The following GRIK2 variants were observed in gnomAD, a reference collection of about 807,000 sequenced individuals.
The protein encoded by GRIK2 is glutamate receptor ionotropic, kainate 2.
Under a neutral mutation model 100.3 loss-of-function variants are expected in GRIK2, and 32 were observed. That is an observed-to-expected ratio of 0.32 (90% CI 0.24 to 0.43). The LOEUF is 0.43. Ranked by LOEUF, GRIK2 falls within the 20% of genes least tolerant of loss-of-function variation. The pLI, the probability that GRIK2 is intolerant of heterozygous loss-of-function variation, is 1.00. For missense variants in GRIK2, 843 were observed against 1,114.9 expected, an observed-to-expected ratio of 0.76 and a Z score of 3.47; for synonymous variants, 417 against 389.4, an observed-to-expected ratio of 1.07 and a Z score of -0.83.
chr6:101,790,558 CA>C, intron 7 of GRIK2, among the ~76,000 whole-genome samples: 1 of 144,500 alleles, frequency 6.9e-6, no homozygotes, highest in South Asian at 2.3e-4. Flanking sequence ...GGATGAAGCC[CA>C]CTTGATCATG....
At chr6:101,507,799 T>A (rs919821790) in intron 2 of GRIK2, among the ~76,000 whole-genome samples, 50 of 152,166 alleles carry the variant, frequency 3.3e-4, no homozygotes, top group African/African-American at 1.2e-3. Context: ...ATCAGGATCA[T>A]GCCCCCAGAA....
intron 12 of GRIK2, among the ~76,000 whole-genome samples, chr6:101,908,965 C>T (rs1490486079): frequency 6.6e-6 from 1 of 151,020 alleles, no homozygotes; most frequent in Non-Finnish European, 1.5e-5. Context: ...GTCAAAGGTG[C>T]AAGAGGACTG....
intron 2 of GRIK2, among the ~76,000 whole-genome samples, chr6:101,425,507 C>T (rs1041204586): frequency 2.0e-5 from 3 of 152,082 alleles, no homozygotes; most frequent in East Asian, 1.9e-4. Flanking sequence ...AGTATTTCAG[C>T]GTATTCCATT....
intron 7 of GRIK2, among the ~76,000 whole-genome samples, chr6:101,771,762 T>C (rs1778423338): frequency 1.4e-5 from 2 of 144,356 alleles, no homozygotes; most frequent in South Asian, 4.5e-4. Context: ...AATTCCCACC[T>C]ATGATTGAGA....
At chr6:101,942,322 T>C (rs1489181498) in intron 14 of GRIK2, among the ~76,000 whole-genome samples, 1 of 152,120 alleles carries the variant, frequency 6.6e-6, no homozygotes, top group Admixed American at 6.6e-5. Context: ...AACAGACTAA[T>C]ATAGAAATTG....
At position 101,618,200 on chromosome 6, in the gene GRIK2, A is replaced by G. The variant is rs113733277; in HGVS notation, c.116-3749A>G. Among the ~76,000 whole-genome samples the G allele has an allele frequency of 8.6e-3, 1,305 of 151,784 alleles. 10 individuals carry two copies. Among genetic ancestry groups the G allele is most frequent in the African/African-American group, 0.03 (1,249 of 41,504 alleles). Reference sequence around the variant, plus strand: ...TGATTGAAATAATTTCTATATAATTATCTACTTAATCCAGAAATATTTATT... The same window carrying G: ...TGATTGAAATAATTTCTATATAATTGTCTACTTAATCCAGAAATATTTATT... On this transcript the variant is annotated intron_variant, in intron 2 of 16. Coordinates refer to ENST00000369134, the MANE Select transcript of GRIK2 (RefSeq NM_021956.5).
At chr6:101,465,489 G>A (rs1771592908) in intron 2 of GRIK2, among the ~76,000 whole-genome samples, 1 of 152,106 alleles carries the variant, frequency 6.6e-6, no homozygotes, top group Admixed American at 6.5e-5. Context: ...TTGTATGTAT[G>A]TTCCACTTTC....
chr6:101,704,301 G>A (rs1773105270), intron 7 of GRIK2, among the ~76,000 whole-genome samples: 1 of 151,714 alleles, frequency 6.6e-6, no homozygotes, highest in Admixed American at 6.6e-5. Flanking sequence ...ATGGAAGTAA[G>A]GGAATGTGTG....
chr6:101,862,759 C>G (rs1343511697), intron 11 of GRIK2, among the ~76,000 whole-genome samples: 1 of 152,010 alleles, frequency 6.6e-6, no homozygotes, highest in Non-Finnish European at 1.5e-5. Context: ...TTTGTGGAAA[C>G]TCATAGTTTG....
intron 2 of GRIK2, among the ~76,000 whole-genome samples, chr6:101,423,252 GA>G (rs1776506243): frequency 1.3e-5 from 2 of 152,130 alleles, no homozygotes; most frequent in Non-Finnish European, 2.9e-5. Context: ...ATATTTTCCA[GA>G]CTAACTTAGT....
intron 7 of GRIK2, among the ~76,000 whole-genome samples, chr6:101,787,876 T>C (rs1163881742): frequency 6.6e-6 from 1 of 152,162 alleles, no homozygotes; most frequent in Non-Finnish European, 1.5e-5. Context: ...GATGAGCTGT[T>C]AAATGTTGAG....
intron 7 of GRIK2, among the ~76,000 whole-genome samples, chr6:101,768,358 G>C (rs560274649): frequency 6.6e-6 from 1 of 152,180 alleles, no homozygotes; most frequent in East Asian, 1.9e-4. Context: ...TGTCCCAACT[G>C]GTGTTTGACA....
At chr6:101,592,586 CACATATATATATATATATATATAT>C (rs1778708283) in intron 2 of GRIK2, among the ~76,000 whole-genome samples, 1 of 53,396 alleles carries the variant, frequency 1.9e-5, no homozygotes, top group African/African-American at 8.2e-5. Flanking sequence ...TTACTAATAT[CACATATATATATATATATATATAT>C]ATATATATAT....
chr6:101,640,207 C>T (rs1781220855), intron 4 of GRIK2, among the ~76,000 whole-genome samples: 1 of 152,152 alleles, frequency 6.6e-6, no homozygotes, highest in East Asian at 1.9e-4. Context: ...GATTCAGTAA[C>T]TCTAGAGTTA....
intron 7 of GRIK2, among the ~76,000 whole-genome samples, chr6:101,745,525 A>C (rs958986727): frequency 6.6e-6 from 1 of 152,144 alleles, no homozygotes; most frequent in African/African-American, 2.4e-5. Flanking sequence ...AATATTTTAT[A>C]TATATTTTTT....
intron 2 of GRIK2, among the ~76,000 whole-genome samples, chr6:101,599,510 C>T (rs1779094354): frequency 6.6e-6 from 1 of 151,604 alleles, no homozygotes. Context: ...TCCACAATGC[C>T]TGAACTAATT....
At chr6:101,399,474 G>A (rs1396312231) in intron 2 of GRIK2, 82 bp downstream of exon 2, 13 of 771,732 alleles carry the variant, frequency 1.7e-5, no homozygotes, top group Non-Finnish European at 3.1e-5. Context: ...TCTGCCTGGC[G>A]GTGGGCTCCG....
At chr6:101,671,084 GGTT>G (rs1770399642) in intron 4 of GRIK2, among the ~76,000 whole-genome samples, 1 of 152,034 alleles carries the variant, frequency 6.6e-6, no homozygotes, top group Non-Finnish European at 1.5e-5. Context: ...ATTCACCTAG[GGTT>G]GTTATTTGAT....
intron 4 of GRIK2, among the ~76,000 whole-genome samples, chr6:101,639,059 A>T (rs1484042412): frequency 6.6e-6 from 1 of 151,954 alleles, no homozygotes; most frequent in African/African-American, 2.4e-5. Flanking sequence ...TCTTGTTGTT[A>T]AGAGGGAGTC....
Sources: gnomAD v4.1 joint callset for allele counts (sites outside exome capture counted in the v4.1 genomes callset) on GRCh38, gnomAD v4.1.1 for gene constraint, MANE v1.5 for transcripts, NCBI Gene and HGNC (gene_info 2026-07-23, HGNC 2026-07-21) for gene names.